CD163: variants seen among roughly 807,000 people sequenced by gnomAD.
CD163 encodes the protein CD163 molecule.
A neutral mutation model predicts 129.2 loss-of-function variants in CD163; 64 were observed. The observed-to-expected ratio is 0.50, with a 90% CI of 0.41 to 0.61. The LOEUF is 0.61. Ranked by LOEUF, CD163 falls within the 20% of genes least tolerant of loss-of-function variation. CD163 has a pLI of 0.00. For synonymous variants in CD163, 446 were observed against 478.5 expected (o/e 0.93, Z 0.89); for missense variants, 1,061 against 1,377.9 (o/e 0.77, Z 3.64).
chr12:7,485,529 G>T lies in CD163; in HGVS notation c.2459-113C>A. 1 of 629,906 alleles carries T rather than the reference G, an allele frequency of 1.6e-6. No homozygotes were observed. Among genetic ancestry groups the T allele is most frequent in the Non-Finnish European group, 2.6e-6 (1 of 380,778 alleles). The allele number at this position is 629,906 out of a possible 1,614,324, so 39.0% of individuals were successfully genotyped here. On this transcript the variant is annotated intron_variant, in intron 10 of 16. Transcript: ENST00000432237. The surrounding 1 kb of genome is among the most constrained non-coding windows in gnomAD (Gnocchi z 4.5). ...AAAAATAGGTACAATAGTACAATAT[G>T]TCAGTTACTAATAATTCGTTAGTAA...
chr12:7,471,970 G>A (rs1217921339), intron 16 of CD163: 2 of 152,280 alleles, frequency 1.3e-5, no homozygotes, highest in African/African-American at 4.8e-5. Flanking sequence ...GCGCTAAGGA[G>A]GCCAAGGAGG....
rs1488691185 is a variant in CD163, at chr12:7,485,257, C to A, written c.2618G>T (p.Gly873Val). ...VCRQLGCADK[G>V]KINPASLDKA... ...GTCTAAAGATGCAGGGTTGATTTTC[C>A]CTTTGTCTGCACAGCCCAGCTGCCT... is the stretch of plus-strand genomic sequence containing the variant. Residue 873 changes from glycine to valine, a missense_variant, in exon 11 of 17, where the codon GGG becomes GTG. Physicochemically the swap from Gly to Val is moderately radical, Grantham distance 109. Coordinates refer to ENST00000432237, the MANE Select transcript of CD163 (RefSeq NM_203416.4). This position sits in a 1 kb window ranked among gnomAD's most constrained non-coding sequence, Gnocchi z 4.5. 6.2e-7 allele frequency: 1 copy of A among 1,614,176 alleles called. No homozygotes were observed. Among genetic ancestry groups the A allele is most frequent in the Non-Finnish European group, 8.5e-7 (1 of 1,180,030 alleles).
intron 16 of CD163, among the ~76,000 whole-genome samples, chr12:7,479,120 A>G (rs1244582548): frequency 6.6e-6 from 1 of 152,062 alleles, no homozygotes; most frequent in Non-Finnish European, 1.5e-5. Context: ...AGCAGGTAAG[A>G]CCATTCATTA....
intron 16 of CD163, among the ~76,000 whole-genome samples, chr12:7,475,388 A>G (rs958999804): frequency 1.3e-5 from 2 of 152,172 alleles, no homozygotes; most frequent in Admixed American, 6.5e-5. Context: ...AAGCTTATCC[A>G]CCACAATCAA....
Position 7,485,546 on chromosome 12 carries a change from C to A in CD163, c.2459-130G>T. On this transcript the variant is annotated intron_variant, in intron 10 of 16. Transcript: ENST00000432237. This position sits in a 1 kb window ranked among gnomAD's most constrained non-coding sequence, Gnocchi z 4.5. Reference sequence around the variant, plus strand: ...TACAATATGTCAGTTACTAATAATTCGTTAGTAACTTCTGGATGATTTCAT... The same window carrying A: ...TACAATATGTCAGTTACTAATAATTAGTTAGTAACTTCTGGATGATTTCAT... 1 of 501,744 alleles carries A rather than the reference C, an allele frequency of 2.0e-6. No homozygotes were observed. The allele number at this position is 501,744 out of a possible 1,614,324, so 31.1% of individuals were successfully genotyped here. A position where few individuals can be genotyped will look rare whatever the true frequency, so the allele number is the denominator to read the frequency against.
At chr12:7,474,613 A>G (rs1181879804) in intron 16 of CD163, among the ~76,000 whole-genome samples, 3 of 152,242 alleles carry the variant, frequency 2.0e-5, no homozygotes, top group Non-Finnish European at 4.4e-5. Flanking sequence ...AAATGCCCAC[A>G]TCAGAAAGTG....
Position 7,502,602 on chromosome 12 carries a change from C to T in CD163, c.47-38G>A, listed in dbSNP as rs1052653465. Reference sequence around the variant, plus strand: ...AAAGAGGGCAAAAGTAGCATCTTCCCAAAAAGAGACTTTGGAGAAGATAGA... The same window carrying T: ...AAAGAGGGCAAAAGTAGCATCTTCCTAAAAAGAGACTTTGGAGAAGATAGA... On this transcript the variant is annotated intron_variant, in intron 1 of 16. Transcript: ENST00000432237. 4 of 1,045,620 alleles carry T rather than the reference C, an allele frequency of 3.8e-6. No individual in the cohort carries two copies. The African/African-American group carries it at 6.2e-5, about 16-fold the overall frequency. 64.8% of individuals were successfully genotyped at this position (1,045,620 alleles called of 1,614,324 possible). A position where few individuals can be genotyped will look rare whatever the true frequency, so the allele number is the denominator to read the frequency against.
At chr12:7,500,810 T>G (rs1949474037) in intron 3 of CD163, among the ~76,000 whole-genome samples, 1 of 152,112 alleles carries the variant, frequency 6.6e-6, no homozygotes, top group African/African-American at 2.4e-5. Flanking sequence ...GGAAATAACT[T>G]AGATGTCATG....
chr12:7,481,401 C>T, intron 14 of CD163, 145 bp from the exon 15 acceptor site: 1 of 620,784 alleles, frequency 1.6e-6, no homozygotes, highest in Admixed American at 2.5e-5. Context: ...AAGCTCTTCC[C>T]TTACAATTCC....
chr12:7,499,687 A>G (rs1949452363), intron 3 of CD163, among the ~76,000 whole-genome samples: 1 of 152,232 alleles, frequency 6.6e-6, no homozygotes, highest in Admixed American at 6.5e-5. Context: ...GCTAAAATTT[A>G]TGATAATTTT....
rs80302439 is a variant in CD163, at chr12:7,491,942, A to T, written c.1420+3139T>A. ...GTTTCCAATTCTCCTGCTTAGTTGA[A>T]TTCTCCTGGTTCTTTTAAGCTGTAT... On this transcript the variant is annotated intron_variant, in intron 6 of 16. Transcript: ENST00000432237. Among the ~76,000 whole-genome samples the T allele has an allele frequency of 5.2e-3, 787 of 152,242 alleles. 19 individuals carry two copies. The East Asian group carries it at 0.059, about 11-fold the overall frequency.
intron 2 of CD163, among the ~76,000 whole-genome samples, 167 bp downstream of exon 2, chr12:7,502,311 T>C (rs1390067795): frequency 1.3e-5 from 2 of 152,248 alleles, no homozygotes; most frequent in East Asian, 3.8e-4. Context: ...TGCTAATATT[T>C]TGGTTAGATT....
intron 13 of CD163, 42 bp from the exon 14 acceptor site, chr12:7,482,804 C>T (rs779313490): frequency 5.2e-5 from 83 of 1,609,142 alleles, no homozygotes; most frequent in African/African-American, 1.5e-4. Context: ...CATGTCTTAT[C>T]GAAAAGATCA....
chr12:7,502,871 A>G (rs61936904), intron 1 of CD163: 16 of 532,178 alleles, frequency 3.0e-5, no homozygotes, highest in African/African-American at 2.1e-4. Flanking sequence ...AATGAAACTT[A>G]GTAGTGGACA....
At chr12:7,483,078 T>C in intron 12 of CD163, 74 bp from the exon 13 acceptor site, 1 of 1,462,030 alleles carries the variant, frequency 6.8e-7, no homozygotes, top group South Asian at 1.2e-5. Flanking sequence ...TTTCCTTGTC[T>C]GACCCCTTAG....
At chr12:7,486,443 C>T (rs1268820493) in intron 10 of CD163, 56 bp downstream of exon 10, 1 of 1,492,230 alleles carries the variant, frequency 6.7e-7, no homozygotes, top group Non-Finnish European at 9.2e-7. Flanking sequence ...CCCTCACTAC[C>T]CTTCCTCAGT....
chr12:7,495,442 A>G (rs770779973), intron 5 of CD163, 41 bp from the exon 6 acceptor site: 233 of 1,562,212 alleles, frequency 1.5e-4, no homozygotes, highest in Middle Eastern at 1.7e-4. Flanking sequence ...ATACATATGG[A>G]GGTTAGCTTC....
intron 16 of CD163, among the ~76,000 whole-genome samples, chr12:7,472,845 G>T (rs1175412760): frequency 6.6e-6 from 1 of 152,162 alleles, no homozygotes; most frequent in Non-Finnish European, 1.5e-5. Flanking sequence ...TACAGGAACT[G>T]CTAACTAGAA....
intron 3 of CD163, among the ~76,000 whole-genome samples, chr12:7,500,485 G>C (rs1949468872): frequency 6.7e-6 from 1 of 149,510 alleles, no homozygotes; most frequent in African/African-American, 2.4e-5. Flanking sequence ...AGGAATCTGA[G>C]TTGGATCAGA....
Sources: allele counts gnomAD v4.1 joint callset (sites outside exome capture counted in the v4.1 genomes callset), GRCh38; gene constraint gnomAD v4.1.1; non-coding constraint Gnocchi (gnomAD v3.1); transcripts MANE v1.5; gene names NCBI Gene and HGNC (gene_info 2026-07-23, HGNC 2026-07-21).